The following DNER variants were observed in gnomAD, a reference collection of about 807,000 sequenced individuals.
DNER encodes delta and Notch-like epidermal growth factor-related receptor.
In DNER, 33 loss-of-function variants were observed where a neutral mutation model predicts 78.2. The ratio of observed to expected loss-of-function variants is 0.42; its 90% CI spans 0.32 to 0.56. DNER has a LOEUF of 0.56. Among genes scored for constraint, DNER ranks in the 20% least tolerant of loss-of-function variants. The pLI, the probability that DNER is intolerant of heterozygous loss-of-function variation, is 0.11. For synonymous variants in DNER, 417 were observed against 384.8 expected, an observed-to-expected ratio of 1.08 and a Z score of -0.98; for missense variants, 918 against 975.3, an observed-to-expected ratio of 0.94 and a Z score of 0.78.
At chr2:229,702,396 C>G (rs1025791629) in intron 1 of DNER, among the ~76,000 whole-genome samples, 3 of 151,924 alleles carry the variant, frequency 2.0e-5, no homozygotes, top group African/African-American at 7.3e-5. Context: ...ATTAGCCAAG[C>G]GTGGTGGTGC....
intron 6 of DNER, among the ~76,000 whole-genome samples, chr2:229,485,069 G>A (rs760410123): frequency 1.3e-3 from 205 of 152,298 alleles, no homozygotes; most frequent in Non-Finnish European, 2.4e-3. Context: ...AAAAACAGAT[G>A]ACTATTGAAA....
intron 5 of DNER, among the ~76,000 whole-genome samples, chr2:229,534,582 A>G (rs1696369949): frequency 6.6e-6 from 1 of 152,226 alleles, no homozygotes; most frequent in African/African-American, 2.4e-5. Flanking sequence ...CTAAGTATCT[A>G]TTGAGGCTGT....
intron 4 of DNER, among the ~76,000 whole-genome samples, chr2:229,563,257 TCAA>T (rs1243191675): frequency 3.5e-5 from 5 of 142,178 alleles, no homozygotes; most frequent in Admixed American, 6.9e-5. Context: ...ACCATCATCA[TCAA>T]CATCATCACA....
At chr2:229,614,949 A>C (rs1180803156) in intron 1 of DNER, among the ~76,000 whole-genome samples, 1 of 152,266 alleles carries the variant, frequency 6.6e-6, no homozygotes, top group Admixed American at 6.5e-5. Flanking sequence ...GAACTAATCT[A>C]CGAAGACTTT....
chr2:229,483,212 C>T (rs979495898), intron 6 of DNER, among the ~76,000 whole-genome samples: 2 of 152,166 alleles, frequency 1.3e-5, no homozygotes, highest in Non-Finnish European at 2.9e-5. Flanking sequence ...CAGAAACAAC[C>T]TTAGTCCTCT....
chr2:229,467,441 T>G (rs1694828577), intron 7 of DNER, among the ~76,000 whole-genome samples: 1 of 152,312 alleles, frequency 6.6e-6, no homozygotes, highest in African/African-American at 2.4e-5. Flanking sequence ...TTCTTCTACT[T>G]TCCCAGTCTT....
chr2:229,662,776 T>A (rs960505205), intron 1 of DNER, among the ~76,000 whole-genome samples: 7 of 152,272 alleles, frequency 4.6e-5, no homozygotes, highest in African/African-American at 1.7e-4. Flanking sequence ...GCTCCCCAAA[T>A]CTGCAAAGTG....
At chr2:229,477,336 T>C in intron 6 of DNER, 83 bp from the exon 7 acceptor site, 1 of 953,750 alleles carries the variant, frequency 1.0e-6, no homozygotes, top group Non-Finnish European at 1.6e-6. Flanking sequence ...TGGATTCAAC[T>C]GGTACCTGCC....
At chr2:229,614,385 A>C (rs984065823) in intron 1 of DNER, among the ~76,000 whole-genome samples, 2 of 152,132 alleles carry the variant, frequency 1.3e-5, no homozygotes. Flanking sequence ...TCAGAAAAAA[A>C]CATGAAACAC....
chr2:229,545,687 A>C (rs1696614921), intron 5 of DNER, among the ~76,000 whole-genome samples: 1 of 152,238 alleles, frequency 6.6e-6, no homozygotes, highest in Admixed American at 6.5e-5. Context: ...AGAAAACAGG[A>C]GGCAGAGGAG....
intron 1 of DNER, among the ~76,000 whole-genome samples, chr2:229,652,404 G>A (rs982268850): frequency 6.6e-6 from 1 of 152,166 alleles, no homozygotes; most frequent in African/African-American, 2.4e-5. Flanking sequence ...AGTAAGATAG[G>A]GTAAGCACAC....
intron 1 of DNER, among the ~76,000 whole-genome samples, chr2:229,641,886 T>C (rs1035773238): frequency 2.0e-5 from 3 of 152,166 alleles, no homozygotes; most frequent in Non-Finnish European, 4.4e-5. Flanking sequence ...CTGATTTTTA[T>C]GGTATGCCCC....
chr2:229,560,482 C>T (rs2154213587), intron 4 of DNER, among the ~76,000 whole-genome samples: 1 of 152,238 alleles, frequency 6.6e-6, no homozygotes, highest in South Asian at 2.1e-4. Context: ...GATGAAGACC[C>T]AGGGATTTTG....
intron 1 of DNER, among the ~76,000 whole-genome samples, chr2:229,611,764 C>G (rs1279375625): frequency 6.6e-6 from 1 of 152,188 alleles, no homozygotes; most frequent in Non-Finnish European, 1.5e-5. Flanking sequence ...GAACTCCAAC[C>G]CAGTTCTTTG....
chr2:229,679,043 G>A (rs16826334), intron 1 of DNER, among the ~76,000 whole-genome samples: 1,990 of 152,232 alleles, frequency 0.013, 54 homozygotes, highest in African/African-American at 0.045. Flanking sequence ...CTATATGTGA[G>A]AACAACCCCT....
At chr2:229,586,544 AAAAAAACACAC>A in intron 3 of DNER, 4 of 167,694 alleles carry the variant, frequency 2.4e-5, no homozygotes, top group Non-Finnish European at 3.5e-5. Context: ...AAAAAAAAAA[AAAAAAACACAC>A]AAAACCACCC....
intron 11 of DNER, among the ~76,000 whole-genome samples, chr2:229,367,719 T>C (rs1192329097): frequency 6.6e-6 from 1 of 152,202 alleles, no homozygotes; most frequent in Non-Finnish European, 1.5e-5. Flanking sequence ...GTACAATTCC[T>C]CTATCAGCTC....
At chr2:229,566,900 T>C (rs1164725429) in intron 4 of DNER, among the ~76,000 whole-genome samples, 1 of 152,146 alleles carries the variant, frequency 6.6e-6, no homozygotes, top group Admixed American at 6.6e-5. Context: ...TAAATGTGTT[T>C]TTCAACCTTC....
chr2:229,629,495 G>T (rs928216973), intron 1 of DNER, among the ~76,000 whole-genome samples: 4 of 152,176 alleles, frequency 2.6e-5, no homozygotes, highest in African/African-American at 7.2e-5. Context: ...GCCCCCATTT[G>T]AATCAGCCAA....
Sources: gnomAD v4.1 joint callset for allele counts (sites outside exome capture counted in the v4.1 genomes callset) on GRCh38, gnomAD v4.1.1 for gene constraint, MANE v1.5 for transcripts, NCBI Gene and HGNC (gene_info 2026-07-23, HGNC 2026-07-21) for gene names.